Variants in CFAP20DC observed in about 807,000 individuals in gnomAD.
CFAP20DC encodes the protein protein CFAP20DC.
Under a neutral mutation model 101.7 loss-of-function variants are expected in CFAP20DC, and 84 were observed. The ratio of observed to expected loss-of-function variants is 0.83; its 90% CI spans 0.69 to 0.99. CFAP20DC has a LOEUF of 0.99. CFAP20DC is among the 50% of genes least tolerant of loss of function. The probability of loss-of-function intolerance (pLI) is 0.00; values close to 1 mark genes in which losing one functional copy is unlikely to be tolerated. For synonymous variants in CFAP20DC, 359 were observed against 351.2 expected, an observed-to-expected ratio of 1.02 and a Z score of -0.25; for missense variants, 1,007 against 970.3, an observed-to-expected ratio of 1.04 and a Z score of -0.50.
At chr3:58,785,141 G>C (rs2072209900) in intron 15 of CFAP20DC, among the ~76,000 whole-genome samples, 1 of 151,964 alleles carries the variant, frequency 6.6e-6, no homozygotes, top group South Asian at 2.1e-4. Context: ...AACATGGGTG[G>C]GACCAGAGGT....
At chr3:58,762,831 A>C (rs934740424) in intron 15 of CFAP20DC, among the ~76,000 whole-genome samples, 2 of 152,200 alleles carry the variant, frequency 1.3e-5, no homozygotes, top group Non-Finnish European at 1.5e-5. Flanking sequence ...TTCTGGGTTG[A>C]AAATTATTTT....
intron 4 of CFAP20DC, among the ~76,000 whole-genome samples, chr3:58,997,878 G>GGTCC (rs2093185700): frequency 6.6e-6 from 1 of 152,140 alleles, no homozygotes; most frequent in South Asian, 2.1e-4. Context: ...CTGCCTTGGG[G>GGTCC]AGTGGGTATA....
chr3:58,802,459 G>A (rs996249354), intron 15 of CFAP20DC, among the ~76,000 whole-genome samples: 2 of 152,222 alleles, frequency 1.3e-5, no homozygotes, highest in South Asian at 2.1e-4. Context: ...AAGAGGCAAT[G>A]TTTGGTGGAC....
chr3:58,998,856 AT>A (rs2093221093), intron 4 of CFAP20DC, among the ~76,000 whole-genome samples: 1 of 152,248 alleles, frequency 6.6e-6, no homozygotes, highest in South Asian at 2.1e-4. Context: ...GCCATTAAAA[AT>A]TATGGAGACT....
At chr3:58,738,553 T>C (rs1477772503), downstream of CFAP20DC, among the ~76,000 whole-genome samples, 1 of 152,208 alleles carries the variant, frequency 6.6e-6, no homozygotes, top group Non-Finnish European at 1.5e-5. The surrounding 1 kb of genome is among the most constrained non-coding windows in gnomAD (Gnocchi z 4.4). Flanking sequence ...TATTCCATGG[T>C]GTATATGTAC....
At chr3:58,925,836 A>C (rs2107600124) in intron 5 of CFAP20DC, among the ~76,000 whole-genome samples, 1 of 152,330 alleles carries the variant, frequency 6.6e-6, no homozygotes, top group Non-Finnish European at 1.5e-5. Flanking sequence ...CTAGCTCCAG[A>C]GGTCACATGT....
chr3:58,718,442 G>A (rs777112248), intron 3 of CFAP20DC, among the ~76,000 whole-genome samples: 2 of 152,126 alleles, frequency 1.3e-5, no homozygotes, highest in Admixed American at 1.3e-4. Context: ...AAGACTCCAG[G>A]CCTCCCCTTC....
At chr3:58,741,505 T>A (rs530059499), downstream of CFAP20DC, among the ~76,000 whole-genome samples, 119 of 152,118 alleles carry the variant, frequency 7.8e-4, 1 homozygote, top group African/African-American at 2.8e-3. Flanking sequence ...AAATATTTTT[T>A]TTTTTTTTTG....
Position 58,910,748 on chromosome 3 carries a change from A to C in CFAP20DC, c.550+2960T>G, listed in dbSNP as rs192475009. Reference sequence around the variant, plus strand: ...TGGACTAATACCTAATATTGGTAGCATTTCCATCCTATTTTTAGTCTTTTG... The same window carrying C: ...TGGACTAATACCTAATATTGGTAGCCTTTCCATCCTATTTTTAGTCTTTTG... On this transcript the variant is annotated intron_variant, in intron 6 of 16. Transcript: ENST00000482387. Among the ~76,000 whole-genome samples, 77 of 152,200 alleles carry C rather than the reference A, an allele frequency of 5.1e-4. 1 individual carries two copies. The highest frequency in any genetic ancestry group is 1.8e-3 in the African/African-American group (76 of 41,548).
At chr3:58,764,693 A>G (rs763833715) in intron 15 of CFAP20DC, among the ~76,000 whole-genome samples, 3 of 152,102 alleles carry the variant, frequency 2.0e-5, no homozygotes, top group African/African-American at 4.8e-5. Flanking sequence ...TATGCCATGG[A>G]CTGACTCTAT....
At chr3:58,810,977 C>T (rs547702044) in intron 14 of CFAP20DC, among the ~76,000 whole-genome samples, 45 of 152,002 alleles carry the variant, frequency 3.0e-4, no homozygotes, top group Non-Finnish European at 5.4e-4. Flanking sequence ...GAAGAAAATA[C>T]CTAGGAATCC....
intron 4 of CFAP20DC, among the ~76,000 whole-genome samples, chr3:59,019,939 T>G (rs371444079): frequency 6.6e-6 from 1 of 152,062 alleles, no homozygotes; most frequent in Non-Finnish European, 1.5e-5. Context: ...AAAGGTAACA[T>G]GATGTATTAT....
At chr3:58,980,937 G>A (rs1315136113) in intron 4 of CFAP20DC, among the ~76,000 whole-genome samples, 1 of 152,212 alleles carries the variant, frequency 6.6e-6, no homozygotes, top group Non-Finnish European at 1.5e-5. Context: ...CAGATGACAT[G>A]ATTGTATATC....
At chr3:58,833,527 C>T (rs372239790) in intron 13 of CFAP20DC, among the ~76,000 whole-genome samples, 2 of 152,110 alleles carry the variant, frequency 1.3e-5, no homozygotes, top group Non-Finnish European at 2.9e-5. Flanking sequence ...CAATGAGATA[C>T]CTTCACACCC....
At chr3:58,973,025 T>A (rs1327912600) in intron 4 of CFAP20DC, among the ~76,000 whole-genome samples, 1 of 152,212 alleles carries the variant, frequency 6.6e-6, no homozygotes, top group Non-Finnish European at 1.5e-5. Flanking sequence ...AATTAAAATA[T>A]GCATTCAAAT....
At chr3:59,043,397 G>A (rs1415637271) in intron 3 of CFAP20DC, among the ~76,000 whole-genome samples, 1 of 152,098 alleles carries the variant, frequency 6.6e-6, no homozygotes, top group African/African-American at 2.4e-5. Context: ...GCTAATATGT[G>A]AAGTAAGATG....
At chr3:58,803,953 G>A (rs1333289990) in intron 15 of CFAP20DC, among the ~76,000 whole-genome samples, 1 of 152,170 alleles carries the variant, frequency 6.6e-6, no homozygotes, top group African/African-American at 2.4e-5. Flanking sequence ...ATTTGTAAAA[G>A]AGATATTTAA....
chr3:58,879,447 C>T (rs953475716), intron 7 of CFAP20DC, among the ~76,000 whole-genome samples: 1 of 152,108 alleles, frequency 6.6e-6, no homozygotes, highest in African/African-American at 2.4e-5. Flanking sequence ...AATGGTAGTT[C>T]GGATGATGAT....
At position 58,986,567 on chromosome 3, in the gene CFAP20DC, G is replaced by C. The variant is rs149028288; in HGVS notation, c.279-48805C>G. The stretch of plus-strand genomic sequence containing the variant: ...ATAAAAAATAAATAAGCTTGTCTCT[G>C]TCCAGGCTTTGGGTTGGGTTGAGTA... On this transcript the variant is annotated intron_variant, in intron 4 of 16. Transcript: ENST00000482387. 3.2e-3 allele frequency among the ~76,000 whole-genome samples: 494 copies of C among 152,222 alleles called. 3 individuals are homozygous for C. The highest frequency in any genetic ancestry group is 0.011 in the African/African-American group (457 of 41,538).
Sources: allele counts gnomAD v4.1 joint callset (sites outside exome capture counted in the v4.1 genomes callset), GRCh38; gene constraint gnomAD v4.1.1; non-coding constraint Gnocchi (gnomAD v3.1); transcripts MANE v1.5; gene names NCBI Gene and HGNC (gene_info 2026-07-23, HGNC 2026-07-21).